The following SUFU variants were observed in gnomAD, a reference collection of about 807,000 sequenced individuals.
SUFU encodes the protein suppressor of fused homolog.
In SUFU, 7 loss-of-function variants were observed where a neutral mutation model predicts 58.9. That is an observed-to-expected ratio of 0.12 (90% CI 0.07 to 0.22). The LOEUF (loss-of-function observed/expected upper bound fraction) is 0.22. Among genes scored for constraint, SUFU ranks in the 10% least tolerant of loss-of-function variants. SUFU has a pLI of 1.00. For missense variants in SUFU, 451 were observed against 641.3 expected, an observed-to-expected ratio of 0.70 and a Z score of 3.20; for synonymous variants, 232 against 254.8, an observed-to-expected ratio of 0.91 and a Z score of 0.85.
intron 3 of SUFU, among the ~76,000 whole-genome samples, chr10:102,560,510 G>T (rs1293876838): frequency 6.6e-6 from 1 of 152,140 alleles, no homozygotes; most frequent in African/African-American, 2.4e-5. Context: ...GGGAGGCGGA[G>T]GTTGCAGTGA....
intron 3 of SUFU, among the ~76,000 whole-genome samples, chr10:102,580,031 C>CCA (rs1554850784): frequency 4.2e-5 from 4 of 95,662 alleles, no homozygotes; most frequent in South Asian, 3.5e-4. Context: ...TCCCCCGCAC[C>CCA]CCCCCCCCGC....
rs761472045 is a variant in SUFU, at chr10:102,509,149, C to T, written c.183-20C>T. The T allele has an allele frequency of 3.7e-6, 6 of 1,613,522 alleles. No individual in the cohort carries two copies. Among genetic ancestry groups the T allele is most frequent in the South Asian group, 2.2e-5 (2 of 90,970 alleles). On this transcript the variant is annotated intron_variant, in intron 1 of 11. Coordinates refer to ENST00000369902, the MANE Select transcript of SUFU (RefSeq NM_016169.4). ...GATTTCCAGGCTTACACTAACACCC[C>T]TGTGTTTTGTTTTTTGCAGGTTGGG... is the stretch of plus-strand genomic sequence containing the variant.
chr10:102,541,697 C>CTTTTTTTTTTT (rs869264798), intron 2 of SUFU, among the ~76,000 whole-genome samples: 2 of 56,086 alleles, frequency 3.6e-5, no homozygotes, highest in African/African-American at 7.3e-5. Flanking sequence ...CCGCGCCCGG[C>CTTTTTTTTTTT]TTTTTTTTTT....
chr10:102,589,100 T>TGG (rs1425095442), intron 3 of SUFU, among the ~76,000 whole-genome samples: 3 of 151,794 alleles, frequency 2.0e-5, no homozygotes, highest in African/African-American at 7.3e-5. Flanking sequence ...TTTGTGTGTG[T>TGG]GTGTGTATGG....
chr10:102,509,362 G>A lies in SUFU; in HGVS notation c.317+59G>A, dbSNP rs138784497. The A allele has an allele frequency of 1.1e-3, 1,813 of 1,604,180 alleles. 5 individuals carry two copies. Among genetic ancestry groups the A allele is most frequent in the Non-Finnish European group, 1.4e-3 (1,695 of 1,176,854 alleles). The stretch of plus-strand genomic sequence containing the variant: ...CTTATTCCTGAGGTCTTCCTGAGCA[G>A]GGGTGACAATGTCATAGTGCTGTGA... On this transcript the variant is annotated intron_variant, in intron 2 of 11. Coordinates refer to ENST00000369902, the MANE Select transcript of SUFU (RefSeq NM_016169.4).
rs1007854691 is a variant in SUFU at position 102,619,957 on chromosome 10, G to A, written c.1296+2529G>A. On this transcript the variant is annotated intron_variant, in intron 10 of 11. Coordinates refer to ENST00000369902, the MANE Select transcript of SUFU (RefSeq NM_016169.4). The surrounding 1 kb of genome is among the most constrained non-coding windows in gnomAD (Gnocchi z 4.2). ...CCTCAGGAGGGGACCCCAGCACAAA[G>A]AGGCCCACCCTTGCTCCCTGCAGGC... 3.3e-5 allele frequency among the ~76,000 whole-genome samples: 5 copies of A among 152,192 alleles called. No individual in the cohort carries two copies. The highest frequency in any genetic ancestry group is 7.3e-5 in the Non-Finnish European group (5 of 68,034).
At chr10:102,503,710 G>C (rs2062278858), upstream of SUFU, among the ~76,000 whole-genome samples, 1 of 152,204 alleles carries the variant, frequency 6.6e-6, no homozygotes, top group South Asian at 2.1e-4. Context: ...CAAATCCTTT[G>C]TTGGCGCACT....
At chr10:102,568,409 T>A (rs1166388681) in intron 3 of SUFU, among the ~76,000 whole-genome samples, 1 of 152,230 alleles carries the variant, frequency 6.6e-6, no homozygotes, top group African/African-American at 2.4e-5. Flanking sequence ...CTTAAATAAA[T>A]ATATGTTGAA....
At chr10:102,513,291 C>T (rs1452821034) in intron 2 of SUFU, among the ~76,000 whole-genome samples, 2 of 152,152 alleles carry the variant, frequency 1.3e-5, no homozygotes, top group African/African-American at 4.8e-5. Flanking sequence ...TTCTGCCATC[C>T]AGCTTAAGTG....
chr10:102,558,954 C>A (rs987819743), intron 3 of SUFU, among the ~76,000 whole-genome samples: 5 of 152,196 alleles, frequency 3.3e-5, no homozygotes, highest in African/African-American at 1.2e-4. Flanking sequence ...ACATGGCAAG[C>A]CATCTGGAGG....
chr10:102,513,988 G>T (rs754240978), intron 2 of SUFU, among the ~76,000 whole-genome samples: 4 of 151,986 alleles, frequency 2.6e-5, no homozygotes, highest in African/African-American at 9.7e-5. Context: ...TGGCTCAAAC[G>T]ATCCTCCTAC....
In SUFU at chr10:102,599,472, A is replaced by C; in HGVS notation, c.950A>C (p.Glu317Ala). 1 of 1,614,192 alleles carries C rather than the reference A, an allele frequency of 6.2e-7. No homozygotes were observed. The highest frequency in any genetic ancestry group is 8.5e-7 in the Non-Finnish European group (1 of 1,180,038). ...QIRETLRRGL[E>A]INSKPVLPPI... ...CGGGAGACCCTGAGGAGAGGACTCG[A>C]GATCAACAGCAAACCTGTCCTTCCA... Residue 317 changes from glutamate to alanine, a missense_variant, in exon 8 of 12, where the codon GAG becomes GCG. Physicochemically the swap from Glu to Ala is moderately radical, Grantham distance 107. Coordinates refer to ENST00000369902, the MANE Select transcript of SUFU (RefSeq NM_016169.4).
At chr10:102,600,713 C>A (rs1284148484) in intron 8 of SUFU, among the ~76,000 whole-genome samples, 1 of 152,136 alleles carries the variant, frequency 6.6e-6, no homozygotes, top group African/African-American at 2.4e-5. Context: ...GAGGATAGCA[C>A]AGGGGAGGCC....
intron 7 of SUFU, among the ~76,000 whole-genome samples, chr10:102,598,742 G>A (rs1245298434): frequency 6.6e-6 from 1 of 152,104 alleles, no homozygotes; most frequent in Admixed American, 6.5e-5. Context: ...TTGCTTTTTT[G>A]TATCTGTTTA....
chr10:102,594,786 T>C (rs1252368653), intron 6 of SUFU, among the ~76,000 whole-genome samples: 1 of 152,148 alleles, frequency 6.6e-6, no homozygotes, highest in Non-Finnish European at 1.5e-5. Context: ...TGGCACAATC[T>C]CGGCTTACTG....
At chr10:102,552,606 A>T (rs1392116078) in intron 3 of SUFU, among the ~76,000 whole-genome samples, 1 of 152,214 alleles carries the variant, frequency 6.6e-6, no homozygotes, top group Non-Finnish European at 1.5e-5. Context: ...AATTGGAAAA[A>T]TGTGAATTTA....
At chr10:102,589,570 C>T (rs1049403416) in intron 3 of SUFU, among the ~76,000 whole-genome samples, 6 of 147,612 alleles carry the variant, frequency 4.1e-5, no homozygotes, top group South Asian at 4.4e-4. Flanking sequence ...CTTGGCCTCC[C>T]GAGTAGCTGG....
At chr10:102,574,449 G>C (rs989392940) in intron 3 of SUFU, among the ~76,000 whole-genome samples, 8 of 152,160 alleles carry the variant, frequency 5.3e-5, no homozygotes, top group Non-Finnish European at 1.2e-4. Flanking sequence ...CATAAGATTA[G>C]AAAGATACAA....
At chr10:102,519,997 C>G (rs2062529320) in intron 2 of SUFU, among the ~76,000 whole-genome samples, 1 of 151,932 alleles carries the variant, frequency 6.6e-6, no homozygotes, top group Non-Finnish European at 1.5e-5. Context: ...GTCTTGAACT[C>G]CTGACCTCAG....
Sources: gnomAD v4.1 joint callset for allele counts (sites outside exome capture counted in the v4.1 genomes callset) on GRCh38, gnomAD v4.1.1 for gene constraint, Gnocchi (gnomAD v3.1) non-coding constraint, MANE v1.5 for transcripts, NCBI Gene and HGNC (gene_info 2026-07-23, HGNC 2026-07-21) for gene names.